Variants in NELL1 observed in about 807,000 individuals in gnomAD.
The protein encoded by NELL1 is neural EGFL like 1.
NELL1 carries 76 observed loss-of-function variants against 107.4 expected under a neutral mutation model. The observed-to-expected ratio is 0.71, with a 90% CI of 0.59 to 0.86. NELL1 has a LOEUF of 0.86. Among genes scored for constraint, NELL1 ranks in the 40% least tolerant of loss-of-function variants. The pLI is 0.00. For synonymous variants in NELL1, 353 were observed against 341.2 expected (o/e 1.03, Z -0.38); for missense variants, 1,024 against 1,005.5 (o/e 1.02, Z -0.25).
At chr11:20,792,486 G>A (rs1857094212) in intron 3 of NELL1, among the ~76,000 whole-genome samples, 1 of 151,496 alleles carries the variant, frequency 6.6e-6, no homozygotes, top group South Asian at 2.1e-4. Context: ...ATCTATCACT[G>A]TTTCTATCTG....
In NELL1 at chr11:20,937,936, G is replaced by A. The variant is rs1880086; in HGVS notation, c.1071+77G>A. 34 of 1,427,446 alleles carry A rather than the reference G, an allele frequency of 2.4e-5. No individual in the cohort carries two copies. The South Asian group carries it at 3.7e-4, about 15-fold the overall frequency. The allele number at this position is 1,427,446 out of a possible 1,614,324, so 88.4% of individuals were successfully genotyped here. On this transcript the variant is annotated intron_variant, in intron 10 of 19. Coordinates refer to ENST00000357134, the MANE Select transcript of NELL1 (RefSeq NM_006157.5). The stretch of plus-strand genomic sequence containing the variant: ...TGTGTGGGCTTTAGATGAGGTTCTT[G>A]AGTGGGGCATATTGGCCTGGATAGG...
chr11:20,816,290 G>GTT (rs1300263164), intron 3 of NELL1, among the ~76,000 whole-genome samples: 1 of 152,142 alleles, frequency 6.6e-6, no homozygotes, highest in Non-Finnish European at 1.5e-5. Flanking sequence ...AGCATGGAAT[G>GTT]TTTTTCCGTT....
chr11:21,552,170 G>C (rs143300275), intron 16 of NELL1, among the ~76,000 whole-genome samples: 1,632 of 148,250 alleles, frequency 0.011, 31 homozygotes, highest in East Asian at 0.063. Flanking sequence ...ATAGCATTAG[G>C]AGATATACCT....
intron 15 of NELL1, among the ~76,000 whole-genome samples, chr11:21,403,502 A>G (rs993053041): frequency 3.6e-5 from 5 of 138,774 alleles, no homozygotes; most frequent in African/African-American, 1.3e-4. Flanking sequence ...TCATATCTGG[A>G]TGAGTTTCAT....
chr11:20,749,595 T>C (rs1250411876), intron 2 of NELL1, among the ~76,000 whole-genome samples: 1 of 152,084 alleles, frequency 6.6e-6, no homozygotes, highest in African/African-American at 2.4e-5. Context: ...AGAAAGACCC[T>C]TTCTCAAAAA....
At chr11:21,306,670 G>T (rs1849611782) in intron 14 of NELL1, among the ~76,000 whole-genome samples, 1 of 151,990 alleles carries the variant, frequency 6.6e-6, no homozygotes, top group South Asian at 2.1e-4. Context: ...AAATGAGAAA[G>T]CTCATTCCCT....
At chr11:21,254,143 A>G (rs1858710646) in intron 14 of NELL1, among the ~76,000 whole-genome samples, 1 of 152,112 alleles carries the variant, frequency 6.6e-6, no homozygotes, top group African/African-American at 2.4e-5. Flanking sequence ...TGGTCATTCA[A>G]TTATCAAAAT....
intron 16 of NELL1, among the ~76,000 whole-genome samples, chr11:21,556,150 A>T (rs61321874): frequency 0.14 from 21,913 of 151,804 alleles, 1,738 homozygotes; most frequent in African/African-American, 0.2. Flanking sequence ...TGTTCTCTAG[A>T]CTGTCTGTCA....
chr11:20,924,302 GC>G (rs1161030298), intron 7 of NELL1, among the ~76,000 whole-genome samples: 1 of 152,070 alleles, frequency 6.6e-6, no homozygotes, highest in Non-Finnish European at 1.5e-5. Context: ...TGAAAAATTA[GC>G]TTTTTGCCTT....
At chr11:21,073,828 G>A (rs1854071750) in intron 12 of NELL1, among the ~76,000 whole-genome samples, 1 of 152,106 alleles carries the variant, frequency 6.6e-6, no homozygotes, top group Non-Finnish European at 1.5e-5. Context: ...ATTAATTCGA[G>A]TGCTATAAAT....
At chr11:21,245,583 A>G (rs1858469184) in intron 14 of NELL1, among the ~76,000 whole-genome samples, 1 of 152,116 alleles carries the variant, frequency 6.6e-6, no homozygotes, top group African/African-American at 2.4e-5. Context: ...CTGTCCTGGC[A>G]TTTATTCACA....
chr11:20,702,016 T>A (rs1854804757), intron 2 of NELL1, among the ~76,000 whole-genome samples: 1 of 152,206 alleles, frequency 6.6e-6, no homozygotes, highest in Admixed American at 6.5e-5. Context: ...CCATATGAAC[T>A]TTAAAGTAGT....
At chr11:21,257,514 A>G (rs1858799550) in intron 14 of NELL1, among the ~76,000 whole-genome samples, 1 of 151,954 alleles carries the variant, frequency 6.6e-6, no homozygotes, top group Non-Finnish European at 1.5e-5. Context: ...TGGTGATACA[A>G]TAAACTGGAA....
At chr11:21,446,855 A>T (rs940988923) in intron 15 of NELL1, among the ~76,000 whole-genome samples, 1 of 152,216 alleles carries the variant, frequency 6.6e-6, no homozygotes, top group African/African-American at 2.4e-5. Flanking sequence ...CCTTCCTTTC[A>T]GGGTGATGAG....
At chr11:21,492,717 G>A (rs1272754577) in intron 15 of NELL1, among the ~76,000 whole-genome samples, 1 of 136,824 alleles carries the variant, frequency 7.3e-6, no homozygotes, top group African/African-American at 2.7e-5. Flanking sequence ...GACATAGGAA[G>A]GGGAACATCA....
chr11:21,264,080 G>GTGTGTGTGTGTGTGTGTT (rs1848589856), intron 14 of NELL1, among the ~76,000 whole-genome samples: 1 of 150,920 alleles, frequency 6.6e-6, no homozygotes, highest in Non-Finnish European at 1.5e-5. Context: ...GGGTGTGTGT[G>GTGTGTGTGTGTGTGTGTT]TGTGTGTGTG....
intron 14 of NELL1, among the ~76,000 whole-genome samples, chr11:21,246,138 A>G (rs1337349377): frequency 6.6e-6 from 1 of 152,146 alleles, no homozygotes; most frequent in African/African-American, 2.4e-5. Context: ...GAGCGTCTAT[A>G]TGTCAGGCAC....
chr11:21,546,458 G>T (rs371946699), intron 16 of NELL1, among the ~76,000 whole-genome samples: 71 of 152,064 alleles, frequency 4.7e-4, no homozygotes, highest in African/African-American at 1.6e-3. Flanking sequence ...TTGAATTGTA[G>T]CTTCAATAAT....
chr11:21,325,425 C>G (rs1278797620), intron 14 of NELL1, among the ~76,000 whole-genome samples: 1 of 152,004 alleles, frequency 6.6e-6, no homozygotes, highest in Non-Finnish European at 1.5e-5. Context: ...AAGGCTACAC[C>G]AATTTAGTTT....
Sources: gnomAD v4.1 joint callset for allele counts (sites outside exome capture counted in the v4.1 genomes callset) on GRCh38, gnomAD v4.1.1 for gene constraint, MANE v1.5 for transcripts, NCBI Gene and HGNC (gene_info 2026-07-23, HGNC 2026-07-21) for gene names.